The following KLC4 variants were observed in gnomAD, a reference collection of about 807,000 sequenced individuals.
KLC4 encodes the protein kinesin-like protein 8.
Under a neutral mutation model 77.2 loss-of-function variants are expected in KLC4, and 49 were observed. The ratio of observed to expected loss-of-function variants is 0.63; its 90% CI spans 0.50 to 0.80. KLC4 has a LOEUF of 0.80. KLC4 is among the 30% of genes least tolerant of loss of function. The probability of loss-of-function intolerance (pLI) is 0.00; values close to 1 mark genes in which losing one functional copy is unlikely to be tolerated. For synonymous variants in KLC4, 274 were observed against 314.5 expected (o/e 0.87, Z 1.36); for missense variants, 669 against 793.5 (o/e 0.84, Z 1.89).
chr6:43,069,158 A>G (rs189553215), intron 6 of KLC4, among the ~76,000 whole-genome samples: 18 of 152,230 alleles, frequency 1.2e-4, no homozygotes, highest in African/African-American at 4.3e-4. Context: ...GAGAGAAACA[A>G]CCTTAAGTAG....
At chr6:43,073,657 A>AG in intron 14 of KLC4, 10 of 551,108 alleles carry the variant, frequency 1.8e-5, no homozygotes, top group East Asian at 9.4e-5. Flanking sequence ...CAAAAAAAAA[A>AG]AGAAAAAAAA....
rs564523975 is a variant in KLC4, at chr6:43,066,446, C to A, written c.712C>A (p.Leu238Ile). 6.2e-7 allele frequency: 1 copy of A among 1,614,190 alleles called. No individual in the cohort carries two copies. The highest frequency in any genetic ancestry group is 2.2e-5 in the East Asian group (1 of 44,888). ...EVAVPLCKQA[L>I]EDLERTSGRG... ...GGCCGTGCCACTCTGTAAGCAGGCA[C>A]TAGAGGACCTGGAGCGCACATCAGG... The change falls in exon 5 of 16, where the codon CTA becomes ATA. Residue 238 changes from leucine to isoleucine, a missense_variant. Leu to Ile is a conservative substitution (Grantham distance 5). Coordinates refer to ENST00000347162, the MANE Select transcript of KLC4 (RefSeq NM_201521.3).
chr6:43,069,132 T>A (rs1246356745), intron 6 of KLC4, among the ~76,000 whole-genome samples: 1 of 151,778 alleles, frequency 6.6e-6, no homozygotes, highest in South Asian at 2.1e-4. Flanking sequence ...AATAAATAAA[T>A]ATAAATAAAA....
intron 8 of KLC4, 103 bp from the exon 9 acceptor site, chr6:43,071,172 A>T (rs926373199): frequency 3.0e-5 from 21 of 699,772 alleles, no homozygotes; most frequent in Non-Finnish European, 4.6e-5. Flanking sequence ...GAGAAGTGGA[A>T]CTCCCTGAGC....
chr6:43,066,252 C>A (rs116367245), intron 4 of KLC4, 54 bp from the exon 5 acceptor site: 45,886 of 1,460,702 alleles, frequency 0.031, 891 homozygotes, highest in Non-Finnish European at 0.036. Flanking sequence ...AGTGGAAGGG[C>A]AGACAGCAAA....
Position 43,060,249 on chromosome 6 carries a change from C to T in KLC4, c.-26+564C>T, listed in dbSNP as rs372455427. The T allele has an allele frequency of 2.6e-5, 42 of 1,614,036 alleles. No homozygotes were observed. In the African/African-American group the frequency reaches 5.2e-4, roughly 20 times the overall value. On this transcript the variant is annotated intron_variant, in intron 1 of 15. Coordinates refer to ENST00000347162, the MANE Select transcript of KLC4 (RefSeq NM_201521.3). ...GTTTGGAGTGACCAGGTGTTCCTCC[C>T]TCCCCTTTCCCAGACACGCCTCTTG...
intron 1 of KLC4, chr6:43,060,322 A>G (rs770665463): frequency 1.2e-6 from 2 of 1,610,054 alleles, no homozygotes; most frequent in South Asian, 2.2e-5. Flanking sequence ...TTCCTGGGAG[A>G]CAGTAGCTCC....
intron 9 of KLC4, 32 bp downstream of exon 9, chr6:43,071,406 G>A: frequency 6.3e-7 from 1 of 1,580,514 alleles, no homozygotes; most frequent in South Asian, 1.1e-5. Flanking sequence ...AAGGGGCTGT[G>A]GGGAAGAAAA....
intron 8 of KLC4, 149 bp from the exon 9 acceptor site, chr6:43,071,126 G>A (rs1012630333): frequency 3.1e-6 from 2 of 642,078 alleles, no homozygotes; most frequent in Non-Finnish European, 5.4e-6. Context: ...AGAAGGAGGT[G>A]TGAGAAAGAT....
intron 1 of KLC4, chr6:43,060,331 C>G: frequency 6.2e-7 from 1 of 1,609,008 alleles, no homozygotes; most frequent in Non-Finnish European, 8.5e-7. Flanking sequence ...GACAGTAGCT[C>G]CCTAGGCCTG....
At position 43,071,919 on chromosome 6, in the gene KLC4, G is replaced by A. The variant is rs1457329186; in HGVS notation, c.1376G>A (p.Ser459Asn). Residue 459 changes from serine (S) to asparagine (N), a missense_variant, in exon 11 of 16, where the codon AGC (serine) becomes AAC (asparagine). Physicochemically the swap from Ser to Asn is conservative, Grantham distance 46 (BLOSUM62 1). Transcript: ENST00000347162. ...GGCTGGTACAAGGCCTGCAAAGTGA[G>A]CAGGTGAGCTGACAGTGAAAAGCCA... ...YGGWYKACKV[S>N]SPTVNTTLRN... 1.2e-6 allele frequency: 2 copies of A among 1,609,470 alleles called. No homozygotes were observed. Among genetic ancestry groups the A allele is most frequent in the South Asian group, 1.1e-5 (1 of 89,816 alleles).
chr6:43,063,504 A>T (rs1181993113), intron 3 of KLC4, among the ~76,000 whole-genome samples: 1 of 152,142 alleles, frequency 6.6e-6, no homozygotes, highest in African/African-American at 2.4e-5. Context: ...TAGGGAAAGC[A>T]TAACCCAGTT....
intron 1 of KLC4, chr6:43,060,600 A>T: frequency 8.4e-7 from 1 of 1,187,806 alleles, no homozygotes; most frequent in South Asian, 1.7e-5. Context: ...TCTGCTCTGT[A>T]CACAGGTAAG....
Position 43,061,412 on chromosome 6 carries a change from C to T in KLC4, c.77C>T (p.Thr26Ile), listed in dbSNP as rs771350190. The change falls in exon 2 of 16, where the codon ACA becomes ATA. Residue 26 changes from threonine (T) to isoleucine (I), a missense_variant. Thr to Ile is a moderately conservative substitution (Grantham distance 89, BLOSUM62 -1). Coordinates refer to ENST00000347162, the MANE Select transcript of KLC4 (RefSeq NM_201521.3). ...RLSQEEILGS[T>I]RLVSQGLEAL... ...AGCCAAGAGGAGATCCTGGGGAGCA[C>T]ACGGCTGGTCAGCCAAGGGCTAGAG... The T allele has an allele frequency of 4.3e-6, 7 of 1,613,984 alleles. No homozygotes were observed. The highest frequency in any genetic ancestry group is 3.3e-5 in the Admixed American group (2 of 60,008).
intron 6 of KLC4, among the ~76,000 whole-genome samples, chr6:43,068,108 T>G (rs1582015360): frequency 3.0e-5 from 1 of 33,706 alleles, no homozygotes; most frequent in Non-Finnish European, 4.6e-5. Flanking sequence ...CGAGACTCCG[T>G]CTCAAAAAAA....
In KLC4 at chr6:43,059,964, T is replaced by TC. The variant is rs1765055755; in HGVS notation, c.-26+285dup. On this transcript the variant is annotated intron_variant, in intron 1 of 15. Transcript: ENST00000347162. ...CGGACCTCAGTCGTCCATCCACACC[T>TC]CCCCCCTGCCGCCCCCGCCCATCTC... The TC allele has an allele frequency of 7.7e-5, 101 of 1,316,260 alleles. 1 individual carries two copies. The South Asian group carries it at 9.3e-4, about 12-fold the overall frequency. 81.5% of individuals were successfully genotyped at this position (1,316,260 alleles called of 1,614,324 possible). A position where few individuals can be genotyped will look rare whatever the true frequency, so the allele number is the denominator to read the frequency against.
intron 3 of KLC4, 49 bp downstream of exon 3, chr6:43,063,196 A>T: frequency 7.0e-7 from 1 of 1,434,520 alleles, no homozygotes; most frequent in Non-Finnish European, 9.7e-7. Context: ...GCCGGGAGTT[A>T]CCACAGACAT....
intron 7 of KLC4, 28 bp downstream of exon 7, chr6:43,070,483 C>G: frequency 1.3e-6 from 2 of 1,564,346 alleles, no homozygotes; most frequent in South Asian, 2.2e-5. Flanking sequence ...CCCTTCTTCT[C>G]TTGTCGCTGT....
chr6:43,073,665 A>T (rs1765839306), intron 14 of KLC4: 1 of 568,546 alleles, frequency 1.8e-6, no homozygotes, highest in Non-Finnish European at 3.1e-6. Context: ...AAAAGAAAAA[A>T]AAAAAAGATA....
Sources: gnomAD v4.1 joint callset for allele counts (sites outside exome capture counted in the v4.1 genomes callset) on GRCh38, gnomAD v4.1.1 for gene constraint, MANE v1.5 for transcripts, NCBI Gene and HGNC (gene_info 2026-07-23, HGNC 2026-07-21) for gene names.